Variants in NTM observed in about 807,000 individuals in gnomAD.
The protein encoded by NTM is IgLON family member 2.
Under a neutral mutation model 42.1 loss-of-function variants are expected in NTM, and 13 were observed. That is an observed-to-expected ratio of 0.31 (90% confidence interval 0.20 to 0.49). The LOEUF is 0.49. Ranked by LOEUF, NTM falls within the 20% of genes least tolerant of loss-of-function variation. The probability of loss-of-function intolerance (pLI) is 0.99; values close to 1 mark genes in which losing one functional copy is unlikely to be tolerated. For synonymous variants in NTM, 187 were observed against 179.2 expected (o/e 1.04, Z -0.35); for missense variants, 373 against 452.8 (o/e 0.82, Z 1.60).
chr11:131,636,480 G>T (rs1260197074), intron 1 of NTM, among the ~76,000 whole-genome samples: 1 of 152,164 alleles, frequency 6.6e-6, no homozygotes, highest in Non-Finnish European at 1.5e-5. Context: ...TCCATCCATG[G>T]TTGGTCGAAT....
At chr11:132,024,612 T>C (rs926240949) in intron 2 of NTM, among the ~76,000 whole-genome samples, 1 of 152,290 alleles carries the variant, frequency 6.6e-6, no homozygotes, top group Middle Eastern at 3.4e-3. Flanking sequence ...GCCAGTCATA[T>C]AGGGCAAATG....
chr11:131,675,313 A>C (rs912497859), intron 1 of NTM, among the ~76,000 whole-genome samples: 4 of 152,202 alleles, frequency 2.6e-5, no homozygotes, highest in African/African-American at 9.7e-5. Flanking sequence ...TTTTCCCAAC[A>C]CATTTTTAAA....
chr11:131,654,308 C>T (rs2066890610), intron 1 of NTM, among the ~76,000 whole-genome samples: 1 of 152,192 alleles, frequency 6.6e-6, no homozygotes, highest in South Asian at 2.1e-4. Flanking sequence ...TGTGACCCAT[C>T]CACCCCCACC....
chr11:132,333,016 G>A (rs763436518), intron 8 of NTM, among the ~76,000 whole-genome samples: 4 of 152,194 alleles, frequency 2.6e-5, no homozygotes, highest in Non-Finnish European at 5.9e-5. Context: ...GTGTGTGGAT[G>A]TTCAGGAGAG....
intron 1 of NTM, among the ~76,000 whole-genome samples, chr11:131,790,224 A>G (rs2136136066): frequency 6.6e-6 from 1 of 152,264 alleles, no homozygotes; most frequent in African/African-American, 2.4e-5. Context: ...CAAATCATAG[A>G]AAATTATTTG....
chr11:131,603,127 C>A (rs1440425628), intron 1 of NTM, among the ~76,000 whole-genome samples: 1 of 152,062 alleles, frequency 6.6e-6, no homozygotes, highest in Non-Finnish European at 1.5e-5. Flanking sequence ...CAATAAAATC[C>A]AAACTTCATT....
At chr11:132,308,937 C>G (rs2140197123) in intron 5 of NTM, among the ~76,000 whole-genome samples, 1 of 152,038 alleles carries the variant, frequency 6.6e-6, no homozygotes, top group Admixed American at 6.5e-5. Context: ...GAAATATTAC[C>G]ACAAGACTGC....
intron 2 of NTM, among the ~76,000 whole-genome samples, chr11:131,970,696 A>T (rs1416267735): frequency 2.0e-5 from 3 of 152,226 alleles, no homozygotes; most frequent in Admixed American, 6.5e-5. Flanking sequence ...TTCATTCCTG[A>T]TCCCACTCAT....
intron 1 of NTM, among the ~76,000 whole-genome samples, chr11:131,787,290 C>T (rs1283720794): frequency 6.7e-6 from 1 of 149,884 alleles, no homozygotes; most frequent in Non-Finnish European, 1.5e-5. Flanking sequence ...ATATTTGTGC[C>T]TATACACAAA....
At chr11:131,860,516 C>T (rs1031581437) in intron 1 of NTM, among the ~76,000 whole-genome samples, 5 of 152,194 alleles carry the variant, frequency 3.3e-5, no homozygotes, top group South Asian at 4.1e-4. Flanking sequence ...CTGGTCATAT[C>T]GTCACCCTCT....
intron 1 of NTM, among the ~76,000 whole-genome samples, chr11:131,672,539 C>G (rs747319200): frequency 6.6e-6 from 1 of 152,224 alleles, no homozygotes; most frequent in African/African-American, 2.4e-5. Context: ...TCGGCCTGGC[C>G]TCTTCCTATT....
At chr11:131,677,284 T>C (rs2071592484) in intron 1 of NTM, among the ~76,000 whole-genome samples, 1 of 152,180 alleles carries the variant, frequency 6.6e-6, no homozygotes, top group Non-Finnish European at 1.5e-5. Flanking sequence ...CCCGTGGAGG[T>C]CCACTTCCTC....
At chr11:131,426,152 T>A (rs1350667052) in intron 1 of NTM, among the ~76,000 whole-genome samples, 1 of 152,044 alleles carries the variant, frequency 6.6e-6, no homozygotes, top group African/African-American at 2.4e-5. Context: ...GGCCAAGAGG[T>A]CATCTTTCCC....
In NTM at chr11:132,070,482, G is replaced by A. The variant is rs1369679515; in HGVS notation, c.168-75800G>A. Among the ~76,000 whole-genome samples the A allele has an allele frequency of 1.5e-4, 17 of 114,784 alleles. 1 individual carries two copies. The highest frequency in any genetic ancestry group is 2.4e-4 in the African/African-American group (7 of 28,686). 75.3% of individuals were successfully genotyped at this position (114,784 alleles called of 152,430 possible). A position where few individuals can be genotyped will look rare whatever the true frequency, so the allele number is the denominator to read the frequency against. ...ACACATCACACAGCCAAGTTAACAC[G>A]TCAAACTGACCGTCACAGGTTAGTT... On this transcript the variant is annotated intron_variant, in intron 2 of 8. Transcript: ENST00000683400.
In NTM at chr11:132,174,599, T is replaced by C. The variant is rs190500955; in HGVS notation, c.400+28085T>C. On this transcript the variant is annotated intron_variant, in intron 3 of 8. Coordinates refer to ENST00000683400, the MANE Select transcript of NTM (RefSeq NM_001352005.2). Reference sequence around the variant, plus strand: ...GCCTTCAGCAGGGTGGAGCTGCTGCTCTTTGTGCAGCCATTCTCTTGGAAC... The same window carrying C: ...GCCTTCAGCAGGGTGGAGCTGCTGCCCTTTGTGCAGCCATTCTCTTGGAAC... Among the ~76,000 whole-genome samples the C allele has an allele frequency of 1.8e-4, 28 of 152,322 alleles. No homozygotes were observed. In the East Asian group the frequency reaches 5.0e-3, roughly 27 times the overall value.
chr11:131,891,325 G>A (rs895166429), intron 1 of NTM, among the ~76,000 whole-genome samples: 4 of 152,134 alleles, frequency 2.6e-5, no homozygotes, highest in East Asian at 1.9e-4. Context: ...CAGTCGAAGC[G>A]TGTCTTGAGG....
chr11:132,305,460 C>T (rs1213383635), intron 4 of NTM, among the ~76,000 whole-genome samples: 3 of 152,254 alleles, frequency 2.0e-5, no homozygotes, highest in Middle Eastern at 3.4e-3. Context: ...ACTGGTAATT[C>T]GAGCTATTAT....
chr11:132,229,995 C>T (rs535762931), intron 4 of NTM, among the ~76,000 whole-genome samples: 19 of 152,314 alleles, frequency 1.2e-4, no homozygotes, highest in African/African-American at 3.6e-4. Flanking sequence ...ATCTGGGCTG[C>T]CTTGAGCAAG....
intron 1 of NTM, among the ~76,000 whole-genome samples, chr11:131,775,906 A>T (rs538523397): frequency 2.0e-5 from 3 of 152,146 alleles, no homozygotes; most frequent in Non-Finnish European, 2.9e-5. Flanking sequence ...ACTATTTGGG[A>T]TAGTGCATTT....
Sources: allele counts gnomAD v4.1 joint callset (sites outside exome capture counted in the v4.1 genomes callset), GRCh38; gene constraint gnomAD v4.1.1; transcripts MANE v1.5; gene names NCBI Gene and HGNC (gene_info 2026-07-23, HGNC 2026-07-21).